The following ZNF730 variants were observed in gnomAD, a reference collection of about 807,000 sequenced individuals.
The protein encoded by ZNF730 is zinc finger protein 730.
ZNF730 carries 12 observed loss-of-function variants against 12.6 expected under a neutral mutation model. That is an observed-to-expected ratio of 0.95 (90% confidence interval 0.61 to 1.54). ZNF730 has a LOEUF of 1.54. ZNF730 is among the 40% of genes most tolerant of loss of function. ZNF730 has a pLI of 0.00. For missense variants in ZNF730, 643 were observed against 583.5 expected (o/e 1.10, Z -1.05); for synonymous variants, 194 against 195.8 (o/e 0.99, Z 0.08).
At chr19:23,108,956 G>T (rs1303742931) in intron 1 of ZNF730, among the ~76,000 whole-genome samples, 1 of 151,938 alleles carries the variant, frequency 6.6e-6, no homozygotes, top group Non-Finnish European at 1.5e-5. Context: ...TGCTATGTTG[G>T]CCAGGCTGGT....
chr19:23,114,665 C>G (rs1490208110), upstream of ZNF730, among the ~76,000 whole-genome samples: 3 of 151,994 alleles, frequency 2.0e-5, no homozygotes, highest in Admixed American at 6.6e-5. Flanking sequence ...AGTTGTTTTT[C>G]TTTTAGAAGT....
chr19:23,132,007 G>C (rs1212077909), intron 1 of ZNF730, among the ~76,000 whole-genome samples: 1 of 152,174 alleles, frequency 6.6e-6, no homozygotes, highest in Non-Finnish European at 1.5e-5. Flanking sequence ...GGGCAGTGTG[G>C]CCCACGTTTT....
intron 3 of ZNF730, among the ~76,000 whole-genome samples, chr19:23,141,746 T>G (rs984352037): frequency 2.0e-5 from 3 of 151,208 alleles, no homozygotes; most frequent in African/African-American, 7.3e-5. Context: ...TTGGTAAGAC[T>G]TTTTTTTTGG....
At chr19:23,080,717 C>CA (rs1969948332) in intron 1 of ZNF730, among the ~76,000 whole-genome samples, 1 of 151,932 alleles carries the variant, frequency 6.6e-6, no homozygotes, top group Non-Finnish European at 1.5e-5. Context: ...GTTGTGTTCC[C>CA]CAAATCATTG....
At chr19:23,112,692 C>T (rs1197953922), upstream of ZNF730, among the ~76,000 whole-genome samples, 1 of 151,250 alleles carries the variant, frequency 6.6e-6, no homozygotes, top group Non-Finnish European at 1.5e-5. Context: ...CACTACCCTC[C>T]AGGCTGGGCT....
intron 1 of ZNF730, among the ~76,000 whole-genome samples, chr19:23,075,646 C>T (rs747574349): frequency 7.2e-5 from 11 of 152,176 alleles, no homozygotes; most frequent in Non-Finnish European, 1.3e-4. Context: ...TCCCAGAGTG[C>T]TTAGGGATGC....
chr19:23,138,674 C>T (rs1368123820), intron 3 of ZNF730, among the ~76,000 whole-genome samples: 2 of 152,066 alleles, frequency 1.3e-5, no homozygotes, highest in African/African-American at 2.4e-5. Flanking sequence ...AAAGGATGCT[C>T]CTCAATCTTG....
chr19:23,092,802 G>C (rs1970179161), intron 1 of ZNF730, among the ~76,000 whole-genome samples: 1 of 152,038 alleles, frequency 6.6e-6, no homozygotes, highest in Admixed American at 6.6e-5. Flanking sequence ...TGGTGGATAA[G>C]TTTTTTCATT....
intron 1 of ZNF730, among the ~76,000 whole-genome samples, chr19:23,081,778 A>T (rs1037956770): frequency 6.6e-6 from 1 of 152,142 alleles, no homozygotes; most frequent in African/African-American, 2.4e-5. Flanking sequence ...ATTTGTTTAT[A>T]GACAGACTCT....
At chr19:23,141,485 T>C (rs1276279422) in intron 3 of ZNF730, among the ~76,000 whole-genome samples, 1 of 152,208 alleles carries the variant, frequency 6.6e-6, no homozygotes, top group Admixed American at 6.5e-5. Flanking sequence ...AAGGATTAAT[T>C]GAGCCTAAAA....
At chr19:23,131,902 G>C (rs1220150371) in intron 1 of ZNF730, among the ~76,000 whole-genome samples, 1 of 152,192 alleles carries the variant, frequency 6.6e-6, no homozygotes, top group African/African-American at 2.4e-5. Context: ...CCAGAATCAA[G>C]TATGAGGGTT....
chr19:23,142,721 A>T (rs1015015696), intron 3 of ZNF730, among the ~76,000 whole-genome samples: 12 of 149,634 alleles, frequency 8.0e-5, no homozygotes, highest in African/African-American at 2.7e-4. Context: ...TTATCTCTCA[A>T]TTTGAAAGTT....
intron 1 of ZNF730, among the ~76,000 whole-genome samples, chr19:23,111,095 C>A (rs1375165005): frequency 1.3e-5 from 2 of 151,544 alleles, no homozygotes; most frequent in Non-Finnish European, 2.9e-5. Context: ...ATTAACAGCT[C>A]TGCATTCCAT....
Position 23,147,047 on chromosome 19 carries a change from TCTA to T in ZNF730, c.*493_*495del, listed in dbSNP as rs1239569057. 1 of 270,602 alleles carries T rather than the reference TCTA, an allele frequency of 3.7e-6. No individual in the cohort carries two copies. The allele number at this position is 270,602 out of a possible 1,614,324, so 16.8% of individuals were successfully genotyped here. On this transcript the variant is annotated 3_prime_UTR_variant, in exon 4 of 4. Transcript: ENST00000597761. ...AAGGTGATTCATACTGGAGAAAACT[TCTA>T]CAAGTGTAAACAAAGTGGCAAAACT...
chr19:23,127,822 G>A (rs1266813912), intron 1 of ZNF730: 1 of 682,986 alleles, frequency 1.5e-6, no homozygotes, highest in African/African-American at 1.8e-5. Context: ...GATAGTTTGT[G>A]TAACAAACAA....
At chr19:23,116,068 C>A (rs895742904), upstream of ZNF730, among the ~76,000 whole-genome samples, 112 of 152,238 alleles carry the variant, frequency 7.4e-4, no homozygotes, top group African/African-American at 2.6e-3. Flanking sequence ...AGTCCCCGCA[C>A]GCACAGGAGA....
At chr19:23,109,972 A>AT (rs1014938398) in intron 1 of ZNF730, among the ~76,000 whole-genome samples, 114 of 148,084 alleles carry the variant, frequency 7.7e-4, no homozygotes, top group East Asian at 9.9e-4. Flanking sequence ...CTTTATAACC[A>AT]TTTTTTTTTT....
chr19:23,108,396 A>T (rs1349028506), intron 1 of ZNF730, among the ~76,000 whole-genome samples: 1 of 147,986 alleles, frequency 6.8e-6, no homozygotes, highest in Admixed American at 6.8e-5. Flanking sequence ...TTGGTTTAGG[A>T]TGAGGGATGG....
In ZNF730 at chr19:23,080,741, C is replaced by T. The variant is rs181306399; in HGVS notation, c.-94+5354C>T. Among the ~76,000 whole-genome samples, 18 of 152,110 alleles carry T rather than the reference C, an allele frequency of 1.2e-4. No individual in the cohort carries two copies. In the East Asian group the frequency reaches 3.1e-3, roughly 26 times the overall value. On this transcript the variant is annotated intron_variant, in intron 1 of 2. Coordinates refer to the ZNF730 transcript ENST00000593635. ...CCCAAATCATTGCCAAACCCATTGTCATGAAGCTTCCCCCTTCTGTATTGT... is the reference window on the plus strand; with the variant it reads ...CCCAAATCATTGCCAAACCCATTGTTATGAAGCTTCCCCCTTCTGTATTGT...
Sources: allele counts gnomAD v4.1 joint callset (sites outside exome capture counted in the v4.1 genomes callset), GRCh38; gene constraint gnomAD v4.1.1; transcripts MANE v1.5; gene names NCBI Gene and HGNC (gene_info 2026-07-23, HGNC 2026-07-21).